Variants in GDA observed in about 807,000 individuals in gnomAD.
The protein encoded by GDA is guanine deaminase.
In GDA, 18 loss-of-function variants were observed where a neutral mutation model predicts 59.6. The observed-to-expected ratio is 0.30, with a 90% CI of 0.21 to 0.45. GDA has a LOEUF of 0.45. Ranked by LOEUF, GDA falls within the 20% of genes least tolerant of loss-of-function variation. The pLI is 1.00. For missense variants in GDA, 427 were observed against 552.3 expected, an observed-to-expected ratio of 0.77 and a Z score of 2.27; for synonymous variants, 201 against 201.1, an observed-to-expected ratio of 1.00 and a Z score of 0.00.
At chr9:72,126,622 A>G (rs1042702003) in intron 1 of GDA, among the ~76,000 whole-genome samples, 1 of 143,948 alleles carries the variant, frequency 6.9e-6, no homozygotes, top group Non-Finnish European at 1.5e-5. Context: ...GCTGGAGTGC[A>G]GCGGCGCGAT....
chr9:72,249,545 A>G lies in GDA; in HGVS notation c.*1203A>G. Reference sequence around the variant, plus strand: ...CTTAATATTTATGTTAATAGGACTTAATTCTTACTAGACATCTAGGAACAT... The same window carrying G: ...CTTAATATTTATGTTAATAGGACTTGATTCTTACTAGACATCTAGGAACAT... On this transcript the variant is annotated 3_prime_UTR_variant, in exon 14 of 14. Transcript: ENST00000358399. 1 of 595,280 alleles carries G rather than the reference A, an allele frequency of 1.7e-6. No individual in the cohort carries two copies. Among genetic ancestry groups the G allele is most frequent in the Non-Finnish European group, 2.1e-6 (1 of 474,264 alleles). 36.9% of individuals were successfully genotyped at this position (595,280 alleles called of 1,614,324 possible).
chr9:72,209,882 G>C (rs773748943), intron 3 of GDA, among the ~76,000 whole-genome samples: 16 of 152,072 alleles, frequency 1.1e-4, no homozygotes, highest in Admixed American at 6.5e-5. Context: ...GTGGTATTCT[G>C]GGGAAAATGA....
chr9:72,196,767 G>C (rs11143164), intron 2 of GDA, among the ~76,000 whole-genome samples: 16 of 99,154 alleles, frequency 1.6e-4, no homozygotes, highest in East Asian at 4.9e-4. Flanking sequence ...AACAGACCCC[G>C]GTGTGTGATG....
Position 72,230,509 on chromosome 9 carries a change from T to A in GDA, c.921-605T>A, listed in dbSNP as rs1452832256. On this transcript the variant is annotated intron_variant, in intron 9 of 13. Transcript: ENST00000358399. ...CTGTCTCAAAAAAAAAAAATATATA[T>A]ATATATATATATGGCTGGCACATCT... Among the ~76,000 whole-genome samples, 37 of 149,254 alleles carry A rather than the reference T, an allele frequency of 2.5e-4. 1 individual carries two copies. The highest frequency in any genetic ancestry group is 6.4e-4 in the South Asian group (3 of 4,700).
At chr9:72,115,552 A>G (rs967589280) in intron 1 of GDA, among the ~76,000 whole-genome samples, 1 of 152,244 alleles carries the variant, frequency 6.6e-6, no homozygotes, top group African/African-American at 2.4e-5. Flanking sequence ...ATTGTGATGT[A>G]CAAGATAGAA....
intron 3 of GDA, among the ~76,000 whole-genome samples, chr9:72,207,251 G>T (rs1834838153): frequency 1.3e-5 from 2 of 151,826 alleles, no homozygotes; most frequent in Admixed American, 6.6e-5. Flanking sequence ...CTCTCTTTCT[G>T]AGTATATTCC....
chr9:72,146,082 G>A (rs567536645), upstream of GDA, among the ~76,000 whole-genome samples: 10 of 126,178 alleles, frequency 7.9e-5, no homozygotes, highest in South Asian at 5.1e-4. Flanking sequence ...CTCAGGGGAG[G>A]AACACTTAAC....
downstream of GDA, among the ~76,000 whole-genome samples, chr9:72,252,492 A>G (rs556874020): frequency 5.0e-3 from 759 of 152,296 alleles, 4 homozygotes; most frequent in Non-Finnish European, 8.0e-3. Flanking sequence ...ATATTTTAAG[A>G]CATTACCCAG....
rs1247551297 is a variant in GDA at position 72,228,114 on chromosome 9, C to T, written c.920+74C>T. ...ATTAGCAGCCAAATGCCTTTGTTTC[C>T]TCTGTCATTCCTCCAGGATCTCCCC... On this transcript the variant is annotated intron_variant, in intron 9 of 13. Coordinates refer to ENST00000358399, the MANE Select transcript of GDA (RefSeq NM_004293.5). The T allele has an allele frequency of 2.2e-5, 18 of 817,200 alleles. No homozygotes were observed. The East Asian group carries it at 4.3e-4, about 20-fold the overall frequency. 50.6% of individuals were successfully genotyped at this position (817,200 alleles called of 1,614,324 possible). A position where few individuals can be genotyped will look rare whatever the true frequency, so the allele number is the denominator to read the frequency against.
intron 4 of GDA, among the ~76,000 whole-genome samples, chr9:72,211,555 G>A (rs892153567): frequency 2.0e-5 from 3 of 152,234 alleles, no homozygotes; most frequent in Non-Finnish European, 4.4e-5. Context: ...GTTTGCTTAT[G>A]CAAAAGACCT....
chr9:72,155,246 A>C (rs1827752872), intron 1 of GDA, among the ~76,000 whole-genome samples: 1 of 152,176 alleles, frequency 6.6e-6, no homozygotes, highest in Admixed American at 6.5e-5. Flanking sequence ...AGAATGAGGA[A>C]GATGAAAAAG....
At chr9:72,246,605 C>G (rs1840166442) in intron 12 of GDA, among the ~76,000 whole-genome samples, 1 of 152,030 alleles carries the variant, frequency 6.6e-6, no homozygotes, top group African/African-American at 2.4e-5. Flanking sequence ...TGGTAATAAG[C>G]TAGAGAGAAC....
Position 72,250,662 on chromosome 9 carries a change from G to A in GDA, c.*2320G>A, listed in dbSNP as rs1403935156. 2.2e-5 allele frequency: 36 copies of A among 1,607,402 alleles called. 1 individual carries two copies. The highest frequency in any genetic ancestry group is 1.4e-4 in the South Asian group (13 of 90,896). On this transcript the variant is annotated 3_prime_UTR_variant, in exon 14 of 14. Coordinates refer to ENST00000358399, the MANE Select transcript of GDA (RefSeq NM_004293.5). The stretch of plus-strand genomic sequence containing the variant: ...CTTTGAAATGTTGCCTTTGCCTAAT[G>A]TAGGTTGACTTTCTGAATTGTGGAG...
intron 1 of GDA, among the ~76,000 whole-genome samples, chr9:72,137,461 T>C (rs926025010): frequency 5.9e-5 from 9 of 151,992 alleles, no homozygotes; most frequent in African/African-American, 1.9e-4. Context: ...TTAGCCAGGA[T>C]GGTCTCGATC....
In GDA at chr9:72,250,864, G is replaced by A. The variant is rs1180978714; in HGVS notation, c.*2522G>A. 6 of 1,594,990 alleles carry A rather than the reference G, an allele frequency of 3.8e-6. No individual in the cohort carries two copies. The highest frequency in any genetic ancestry group is 1.1e-5 in the South Asian group (1 of 90,364). On this transcript the variant is annotated 3_prime_UTR_variant, in exon 14 of 14. Coordinates refer to ENST00000358399, the MANE Select transcript of GDA (RefSeq NM_004293.5). ...AAGGTAAAAACAATTCAAAAGTATC[G>A]ATTATCATAAATTCACAAAATATTT...
intron 1 of GDA, among the ~76,000 whole-genome samples, chr9:72,137,229 CTTTTCTTT>C (rs1423674341): frequency 6.2e-5 from 8 of 129,910 alleles, no homozygotes; most frequent in African/African-American, 8.3e-5. Flanking sequence ...AATTAGGATC[CTTTTCTTT>C]TTTTCTTTTT....
At position 72,243,972 on chromosome 9, in the gene GDA, G is replaced by T. The variant is rs555134064; in HGVS notation, c.1136-1176G>T. Among the ~76,000 whole-genome samples, 3 of 152,072 alleles carry T rather than the reference G, an allele frequency of 2.0e-5. No homozygotes were observed. In the South Asian group the frequency reaches 6.2e-4, roughly 32 times the overall value. On this transcript the variant is annotated intron_variant, in intron 11 of 13. Coordinates refer to ENST00000358399, the MANE Select transcript of GDA (RefSeq NM_004293.5). ...GGGCAGTTCGCGAGGTTAGGAGATC[G>T]AGACCATCCTGGCTAACACGGTGAA... is the stretch of plus-strand genomic sequence containing the variant.
chr9:72,145,084 C>T (rs1207219465), upstream of GDA, among the ~76,000 whole-genome samples: 1 of 152,148 alleles, frequency 6.6e-6, no homozygotes, highest in African/African-American at 2.4e-5. Flanking sequence ...TGCTTCCCTG[C>T]ACTCTCTGTA....
At chr9:72,233,024 A>T (rs1838533733) in intron 10 of GDA, among the ~76,000 whole-genome samples, 1 of 152,144 alleles carries the variant, frequency 6.6e-6, no homozygotes, top group African/African-American at 2.4e-5. Context: ...CTATTAGCTT[A>T]TTTACTCAGA....
Sources: allele counts gnomAD v4.1 joint callset (sites outside exome capture counted in the v4.1 genomes callset), GRCh38; gene constraint gnomAD v4.1.1; transcripts MANE v1.5; gene names NCBI Gene and HGNC (gene_info 2026-07-23, HGNC 2026-07-21).